SEMA3F: variants seen among roughly 807,000 people sequenced by gnomAD.
The protein encoded by SEMA3F is semaphorin 3F.
A neutral mutation model predicts 98.5 loss-of-function variants in SEMA3F; 30 were observed. The ratio of observed to expected loss-of-function variants is 0.30; its 90% CI spans 0.23 to 0.41. The LOEUF is 0.41. SEMA3F is among the 10% of genes least tolerant of loss of function. SEMA3F has a pLI of 1.00. For synonymous variants in SEMA3F, 380 were observed against 444.8 expected, an observed-to-expected ratio of 0.85 and a Z score of 1.83; for missense variants, 866 against 1,119.3, an observed-to-expected ratio of 0.77 and a Z score of 3.23.
In SEMA3F at chr3:50,159,393, G is replaced by A. The variant is rs577230189; in HGVS notation, c.-48-182G>A. 5.5e-5 allele frequency: 28 copies of A among 506,312 alleles called. No homozygotes were observed. The South Asian group carries it at 7.9e-4, about 14-fold the overall frequency. The allele number at this position is 506,312 out of a possible 1,614,324, so 31.4% of individuals were successfully genotyped here. A position where few individuals can be genotyped will look rare whatever the true frequency, so the allele number is the denominator to read the frequency against. On this transcript the variant is annotated intron_variant, in intron 1 of 18. Transcript: ENST00000002829. ...GGTGACCCCAGGCTGGGGCCTATTG[G>A]TACTATCTCCCCAGACAAAGGCAGG...
intron 2 of SEMA3F, among the ~76,000 whole-genome samples, chr3:50,164,707 C>T (rs916121619): frequency 8.5e-5 from 13 of 152,210 alleles, no homozygotes; most frequent in Non-Finnish European, 1.8e-4. Context: ...CCTCTCTGAG[C>T]CCTGGTTTCT....
At chr3:50,167,735 G>T (rs1698457286) in intron 2 of SEMA3F, among the ~76,000 whole-genome samples, 1 of 152,154 alleles carries the variant, frequency 6.6e-6, no homozygotes, top group Non-Finnish European at 1.5e-5. Context: ...GTCCCACTGG[G>T]GCTCTTCTGA....
chr3:50,182,836 C>A lies in SEMA3F; in HGVS notation c.903+53C>A, dbSNP rs1039315147. 17 of 1,610,324 alleles carry A rather than the reference C, an allele frequency of 1.1e-5. No individual in the cohort carries two copies. Among genetic ancestry groups the A allele is most frequent in the Non-Finnish European group, 1.3e-5 (15 of 1,177,780 alleles). ...CCCCTTCCACCAGTTCTGGCTTCAT[C>A]AGCCCTGCTCCAGCCAGGGCTTGGG... On this transcript the variant is annotated intron_variant, in intron 9 of 18. Coordinates refer to ENST00000002829, the MANE Select transcript of SEMA3F (RefSeq NM_004186.5). This position sits in a 1 kb window ranked among gnomAD's most constrained non-coding sequence, Gnocchi z 4.5.
At position 50,176,873 on chromosome 3, in the gene SEMA3F, C is replaced by T. The variant is rs759537007; in HGVS notation, c.643+12C>T. On this transcript the variant is annotated intron_variant, in intron 7 of 18. Coordinates refer to ENST00000002829, the MANE Select transcript of SEMA3F (RefSeq NM_004186.5). ...ATCGGCCCTCATCAGTGAGTGCCCCCCAACCCCGCTCTACAGTCTCAATGT... is the reference window on the plus strand; with the variant it reads ...ATCGGCCCTCATCAGTGAGTGCCCCTCAACCCCGCTCTACAGTCTCAATGT... The T allele has an allele frequency of 6.2e-7, 1 of 1,601,078 alleles. No individual in the cohort carries two copies. The highest frequency in any genetic ancestry group is 1.1e-5 in the South Asian group (1 of 90,822).
At chr3:50,176,715 T>G (rs1357952379) in intron 6 of SEMA3F, 53 bp from the exon 7 acceptor site, 3 of 1,369,754 alleles carry the variant, frequency 2.2e-6, no homozygotes, top group Non-Finnish European at 3.1e-6. Context: ...ACCCTTACAC[T>G]TCCTGGCTGG....
At chr3:50,185,166 A>G (rs2109121434) in intron 13 of SEMA3F, among the ~76,000 whole-genome samples, 1 of 152,282 alleles carries the variant, frequency 6.6e-6, no homozygotes, top group East Asian at 1.9e-4. Context: ...CACCCCCTAC[A>G]GTTCCAGCAG....
In SEMA3F at chr3:50,175,662, G is replaced by A. The variant is rs545799993; in HGVS notation, c.549+474G>A. 1.9e-3 allele frequency among the ~76,000 whole-genome samples: 288 copies of A among 152,302 alleles called. 2 individuals carry two copies. The highest frequency in any genetic ancestry group is 6.3e-3 in the African/African-American group (262 of 41,568). ...TGCTTGGGGCGCTCTTCTCCCGTGT[G>A]GTATCTGTCCACTAGTGATGACCTG... On this transcript the variant is annotated intron_variant, in intron 6 of 18. Transcript: ENST00000002829.
At chr3:50,175,064 C>G (rs1336645641) in intron 5 of SEMA3F, 32 bp from the exon 6 acceptor site, 4 of 1,502,432 alleles carry the variant, frequency 2.7e-6, no homozygotes, top group Admixed American at 3.5e-5. Context: ...CCTGCCACCC[C>G]CAGCTCTAAC....
rs1698422177 is a variant in SEMA3F at position 50,166,770 on chromosome 3, CT to C, written c.113-7021del. ...ACACCCACCAGCCTGTTGGTCCCATCTTGGCCTGTCTGTCTGGGTGATTTAT... is the reference window on the plus strand; with the variant it reads ...ACACCCACCAGCCTGTTGGTCCCATCTGGCCTGTCTGTCTGGGTGATTTAT... On this transcript the variant is annotated intron_variant, in intron 2 of 18. Transcript: ENST00000002829. The surrounding 1 kb of genome is among the most constrained non-coding windows in gnomAD (Gnocchi z 4.7). 2.0e-5 allele frequency among the ~76,000 whole-genome samples: 3 copies of C among 152,166 alleles called. No individual in the cohort carries two copies. In the East Asian group the frequency reaches 5.8e-4, roughly 29 times the overall value.
intron 2 of SEMA3F, among the ~76,000 whole-genome samples, chr3:50,169,616 T>C (rs904926381): frequency 6.6e-6 from 1 of 152,128 alleles, no homozygotes; most frequent in African/African-American, 2.4e-5. Flanking sequence ...TTATCTGGGC[T>C]GGAGTCCTGA....
At chr3:50,157,637 C>T (rs1274743264) in intron 1 of SEMA3F, among the ~76,000 whole-genome samples, 1 of 152,166 alleles carries the variant, frequency 6.6e-6, no homozygotes, top group African/African-American at 2.4e-5. Flanking sequence ...ACCTGCCAGG[C>T]TGTCCAAGAG....
intron 7 of SEMA3F, among the ~76,000 whole-genome samples, chr3:50,177,776 C>T (rs917285171): frequency 4.6e-5 from 7 of 152,162 alleles, no homozygotes; most frequent in Non-Finnish European, 8.8e-5. Context: ...AATCCCAGCA[C>T]TTTGGGAGGC....
chr3:50,159,593 C>G lies in SEMA3F; in HGVS notation c.-30C>G. 4.3e-6 allele frequency: 6 copies of G among 1,391,912 alleles called. No homozygotes were observed. The highest frequency in any genetic ancestry group is 6.0e-6 in the Non-Finnish European group (6 of 995,244). 86.2% of individuals were successfully genotyped at this position (1,391,912 alleles called of 1,614,324 possible). Reference sequence around the variant, plus strand: ...TTCCCAGGTTTCTAGAGAGTGGAGCCTGCTTCCTGGGCCCTAGGCCCCTCC... The same window carrying G: ...TTCCCAGGTTTCTAGAGAGTGGAGCGTGCTTCCTGGGCCCTAGGCCCCTCC... On this transcript the variant is annotated 5_prime_UTR_variant, in exon 2 of 19. Transcript: ENST00000002829.
chr3:50,172,360 G>A (rs936156531), intron 2 of SEMA3F, among the ~76,000 whole-genome samples: 3 of 152,152 alleles, frequency 2.0e-5, no homozygotes, highest in Non-Finnish European at 2.9e-5. Flanking sequence ...AAAGATAGCT[G>A]GGGGTGGGTG....
At chr3:50,164,912 A>C (rs748893119) in intron 2 of SEMA3F, among the ~76,000 whole-genome samples, 3 of 152,238 alleles carry the variant, frequency 2.0e-5, no homozygotes, top group African/African-American at 7.2e-5. Context: ...CTGTGTGAGT[A>C]TGGTCACTGT....
chr3:50,170,553 T>C (rs1468001625), intron 2 of SEMA3F, among the ~76,000 whole-genome samples: 1 of 152,036 alleles, frequency 6.6e-6, no homozygotes, highest in Non-Finnish European at 1.5e-5. Context: ...GGGGAAGACC[T>C]GAGGAATGCC....
At chr3:50,175,256 C>A in intron 6 of SEMA3F, 68 bp downstream of exon 6, 4 of 1,131,216 alleles carry the variant, frequency 3.5e-6, no homozygotes, top group Non-Finnish European at 5.2e-6. Context: ...CCTGGGCCTG[C>A]ACCTGAGGCC....
At chr3:50,162,661 G>C (rs1162627783) in intron 2 of SEMA3F, among the ~76,000 whole-genome samples, 2 of 152,218 alleles carry the variant, frequency 1.3e-5, no homozygotes, top group Non-Finnish European at 2.9e-5. Context: ...GCAGGGAGGT[G>C]TGAGGGCCCT....
At chr3:50,162,385 C>A (rs1698239486) in intron 2 of SEMA3F, among the ~76,000 whole-genome samples, 1 of 152,216 alleles carries the variant, frequency 6.6e-6, no homozygotes, top group African/African-American at 2.4e-5. Context: ...AGCTTCTGGG[C>A]TTCAGCAGCA....
Sources: gnomAD v4.1 joint callset for allele counts (sites outside exome capture counted in the v4.1 genomes callset) on GRCh38, gnomAD v4.1.1 for gene constraint, Gnocchi (gnomAD v3.1) non-coding constraint, MANE v1.5 for transcripts, NCBI Gene and HGNC (gene_info 2026-07-23, HGNC 2026-07-21) for gene names.